The following LYPD6B variants were observed in gnomAD, a reference collection of about 807,000 sequenced individuals.
The protein encoded by LYPD6B is LY6/PLAUR domain containing 6B, also known as ly6/PLAUR domain-containing protein 6B.
LYPD6B carries 17 observed loss-of-function variants against 22.8 expected under a neutral mutation model. The observed-to-expected ratio is 0.75, with a 90% CI of 0.51 to 1.12. The LOEUF is 1.12. Ranked by LOEUF, LYPD6B falls within the 50% of genes most tolerant of loss-of-function variation. The pLI, the probability that LYPD6B is intolerant of heterozygous loss-of-function variation, is 0.00. For missense variants in LYPD6B, 221 were observed against 258.3 expected (o/e 0.86, Z 0.99); for synonymous variants, 106 against 91.6 (o/e 1.16, Z -0.90).
chr2:149,184,483 G>A (rs567759333), intron 3 of LYPD6B, among the ~76,000 whole-genome samples: 6 of 152,308 alleles, frequency 3.9e-5, no homozygotes, highest in African/African-American at 1.4e-4. Context: ...TTGCCAAAAT[G>A]TGTAGAAAGT....
At chr2:149,185,195 G>C (rs1229500704) in intron 3 of LYPD6B, among the ~76,000 whole-genome samples, 1 of 152,172 alleles carries the variant, frequency 6.6e-6, no homozygotes, top group East Asian at 1.9e-4. Context: ...GGGATTAAAG[G>C]CAAGATTTTT....
intron 1 of LYPD6B, among the ~76,000 whole-genome samples, chr2:149,121,680 G>A (rs545979192): frequency 3.9e-5 from 6 of 152,308 alleles, no homozygotes; most frequent in Non-Finnish European, 8.8e-5. Context: ...GGTGGTAGAA[G>A]GAAGTAATGT....
At chr2:149,103,534 T>G (rs929219983) in intron 1 of LYPD6B, among the ~76,000 whole-genome samples, 19 of 152,238 alleles carry the variant, frequency 1.2e-4, no homozygotes, top group Admixed American at 6.5e-4. Flanking sequence ...GTGTACAGTT[T>G]GCTAAGTTTG....
At chr2:149,198,359 A>G (rs1205432554) in intron 3 of LYPD6B, among the ~76,000 whole-genome samples, 1 of 152,070 alleles carries the variant, frequency 6.6e-6, no homozygotes, top group African/African-American at 2.4e-5. Flanking sequence ...AATTTTTTCT[A>G]TGTGGAGCTC....
intron 1 of LYPD6B, among the ~76,000 whole-genome samples, chr2:149,067,866 T>C (rs1365212462): frequency 6.6e-6 from 1 of 152,224 alleles, no homozygotes; most frequent in East Asian, 1.9e-4. Flanking sequence ...TATATGTGAA[T>C]CTTCTTTGAC....
At chr2:149,193,735 A>C (rs1184253781) in intron 3 of LYPD6B, among the ~76,000 whole-genome samples, 1 of 152,106 alleles carries the variant, frequency 6.6e-6, no homozygotes, top group Non-Finnish European at 1.5e-5. Context: ...GTCAAGTAGG[A>C]ATCTAGTGTT....
At chr2:149,055,322 G>A (rs1389537072) in intron 1 of LYPD6B, among the ~76,000 whole-genome samples, 3 of 152,230 alleles carry the variant, frequency 2.0e-5, no homozygotes, top group African/African-American at 7.2e-5. Context: ...AAATTGAGAA[G>A]TATAAGTCTT....
intron 1 of LYPD6B, among the ~76,000 whole-genome samples, chr2:149,115,066 G>A (rs1185770288): frequency 1.3e-5 from 2 of 152,076 alleles, no homozygotes; most frequent in Non-Finnish European, 1.5e-5. Flanking sequence ...AGCCTCCCAA[G>A]CGTCTGGGAT....
intron 1 of LYPD6B, among the ~76,000 whole-genome samples, chr2:149,124,032 A>C (rs997311020): frequency 2.6e-5 from 4 of 152,188 alleles, no homozygotes; most frequent in Admixed American, 6.5e-5. Flanking sequence ...TTTTCTAGTT[A>C]AGGACCCACT....
At chr2:149,098,643 A>AAAAAAAAAAAAAAAAG (rs57783804) in intron 1 of LYPD6B, among the ~76,000 whole-genome samples, 3 of 130,960 alleles carry the variant, frequency 2.3e-5, no homozygotes, top group Non-Finnish European at 4.7e-5. Flanking sequence ...AAAAAAAAAA[A>AAAAAAAAAAAAAAAAG]AAAAAAGAAA....
intron 1 of LYPD6B, among the ~76,000 whole-genome samples, chr2:149,046,887 TA>T (rs1038795725): frequency 3.3e-5 from 5 of 152,156 alleles, no homozygotes; most frequent in African/African-American, 1.2e-4. Flanking sequence ...ACTTTTTCTG[TA>T]AAAAAGCCAG....
chr2:149,212,468 G>A (rs987159186), intron 5 of LYPD6B, among the ~76,000 whole-genome samples: 19 of 150,438 alleles, frequency 1.3e-4, no homozygotes, highest in Non-Finnish European at 1.8e-4. Context: ...AGTGAAAAAG[G>A]TGATTGTGAT....
chr2:149,049,182 T>A (rs1016257966), intron 1 of LYPD6B, among the ~76,000 whole-genome samples: 3 of 152,258 alleles, frequency 2.0e-5, no homozygotes, highest in Non-Finnish European at 4.4e-5. Context: ...TCTAAACTGA[T>A]AGTCTCTTAG....
chr2:149,090,331 G>C (rs1685592097), intron 1 of LYPD6B, among the ~76,000 whole-genome samples: 2 of 152,098 alleles, frequency 1.3e-5, no homozygotes, highest in Non-Finnish European at 2.9e-5. Context: ...GAATGGTTCC[G>C]ATATAATTTT....
intron 1 of LYPD6B, 93 bp from the exon 2 acceptor site, chr2:149,130,790 C>T: frequency 1.6e-6 from 1 of 634,416 alleles, no homozygotes. Context: ...TGATGTGTCC[C>T]CAGCCTAAAA....
chr2:149,140,356 G>A (rs1217431117), intron 2 of LYPD6B, among the ~76,000 whole-genome samples: 1 of 152,164 alleles, frequency 6.6e-6, no homozygotes, highest in Non-Finnish European at 1.5e-5. Context: ...GTGCCTTCAG[G>A]GCAGGGCTGC....
intron 1 of LYPD6B, among the ~76,000 whole-genome samples, chr2:149,110,569 C>A (rs1686708158): frequency 6.6e-6 from 1 of 152,066 alleles, no homozygotes; most frequent in Non-Finnish European, 1.5e-5. Context: ...GAGGGAAGTC[C>A]TTTCTGAGTA....
At chr2:149,178,324 T>C (rs1160132697) in intron 3 of LYPD6B, among the ~76,000 whole-genome samples, 1 of 152,212 alleles carries the variant, frequency 6.6e-6, no homozygotes, top group Non-Finnish European at 1.5e-5. Flanking sequence ...TTTTCATCTT[T>C]TAGAAATTTA....
chr2:149,073,294 C>T (rs1684729606), intron 1 of LYPD6B, among the ~76,000 whole-genome samples: 1 of 152,210 alleles, frequency 6.6e-6, no homozygotes, highest in Non-Finnish European at 1.5e-5. Flanking sequence ...GGCACCCTGA[C>T]AGCTTCACAC....
Sources: allele counts gnomAD v4.1 joint callset (sites outside exome capture counted in the v4.1 genomes callset), GRCh38; gene constraint gnomAD v4.1.1; transcripts MANE v1.5; gene names NCBI Gene and HGNC (gene_info 2026-07-23, HGNC 2026-07-21).